The following AGAP3 variants were observed in gnomAD, a reference collection of about 807,000 sequenced individuals.
AGAP3 encodes the protein arf-GAP with GTPase, ANK repeat and PH domain-containing protein 3.
AGAP3 carries 24 observed loss-of-function variants against 96.9 expected under a neutral mutation model. The observed-to-expected ratio is 0.25, with a 90% CI of 0.18 to 0.35. The LOEUF is 0.35. Ranked by LOEUF, AGAP3 falls within the 10% of genes least tolerant of loss-of-function variation. The pLI, the probability that AGAP3 is intolerant of heterozygous loss-of-function variation, is 1.00. For missense variants in AGAP3, 876 were observed against 1,254.2 expected (o/e 0.70, Z 4.55); for synonymous variants, 563 against 536.1 (o/e 1.05, Z -0.69).
In AGAP3 at chr7:151,127,247, G is replaced by A. The variant is rs142060340; in HGVS notation, c.1222-1333G>A. On this transcript the variant is annotated intron_variant, in intron 9 of 17. Transcript: ENST00000397238. Reference sequence around the variant, plus strand: ...CACGAGCTGCAGACTAGGGACTGCCGTTTCCTTGTGCCTGCATCTCTTAGT... The same window carrying A: ...CACGAGCTGCAGACTAGGGACTGCCATTTCCTTGTGCCTGCATCTCTTAGT... Among the ~76,000 whole-genome samples the A allele has an allele frequency of 9.3e-4, 141 of 152,308 alleles. 2 individuals carry two copies. In the East Asian group the frequency reaches 0.019, roughly 20 times the overall value.
chr7:151,087,229 C>A, intron 1 of AGAP3, 157 bp downstream of exon 1: 1 of 764,882 alleles, frequency 1.3e-6, no homozygotes, highest in Non-Finnish European at 2.1e-6. Context: ...GTTGCAGAAC[C>A]GGCGGGCAGC....
At chr7:151,090,243 G>C (rs561359981) in intron 1 of AGAP3, 1 of 152,428 alleles carries the variant, frequency 6.6e-6, no homozygotes, top group South Asian at 2.1e-4. Flanking sequence ...AGATGGGGGG[G>C]GGGGGCTCCC....
In AGAP3 at chr7:151,123,786, T is replaced by C. The variant is rs1585088800; in HGVS notation, c.1129-8T>C. 6.2e-7 allele frequency: 1 copy of C among 1,613,130 alleles called. No homozygotes were observed. Among genetic ancestry groups the C allele is most frequent in the East Asian group, 2.2e-5 (1 of 44,872 alleles). ...CCTCTTTAACACGCCTCTTGTTTTC[T>C]CTTCCAGTCTCGGAAGGGTGCTGAC... On this transcript the variant is annotated splice_polypyrimidine_tract_variant and splice_region_variant and intron_variant, in intron 8 of 17. Coordinates refer to ENST00000397238, the MANE Select transcript of AGAP3 (RefSeq NM_031946.7).
In AGAP3 at chr7:151,117,688, T is replaced by C. The variant is rs1195942833; in HGVS notation, c.617T>C (p.Ile206Thr). ...VVFVFSLEDE[I>T]SFQTVYNYFL... ...TTTGTGTTCAGCCTGGAGGATGAAA[T>C]CAGTTTCCAGACGGTGTACAACTAC... The change falls in exon 5 of 18, where the codon ATC becomes ACC. Residue 206 changes from isoleucine (I) to threonine (T), a missense_variant. By Grantham distance (89) the Ile-to-Thr change is moderately conservative. This residue lies in a region of AGAP3 where 131 missense variants were observed against 304.5 expected (regional missense o/e 0.43). Coordinates refer to ENST00000397238, the MANE Select transcript of AGAP3 (RefSeq NM_031946.7). The C allele has an allele frequency of 6.2e-7, 1 of 1,614,176 alleles. No homozygotes were observed. Among genetic ancestry groups the C allele is most frequent in the Non-Finnish European group, 8.5e-7 (1 of 1,180,004 alleles).
chr7:151,120,609 C>G, intron 8 of AGAP3: 1 of 1,293,732 alleles, frequency 7.7e-7, no homozygotes, highest in Non-Finnish European at 1.0e-6. Context: ...GCCTCCCCGT[C>G]GCCTTCCGGC....
At chr7:151,112,396 CGTGTGTGTGTGTGTGTGTGTGTGT>C (rs71819427) in intron 1 of AGAP3, among the ~76,000 whole-genome samples, 16 of 139,846 alleles carry the variant, frequency 1.1e-4, no homozygotes, top group Non-Finnish European at 2.2e-4. Context: ...TTCCCCGAGA[CGTGTGTGTGTGTGTGTGTGTGTGT>C]GTGTGTGTGT....
chr7:151,115,019 C>A, intron 1 of AGAP3: 1 of 990,904 alleles, frequency 1.0e-6, no homozygotes, highest in African/African-American at 1.8e-5. Flanking sequence ...TGCGCCCGCG[C>A]CTCGGCCGCC....
chr7:151,134,590 G>C (rs750682142), intron 11 of AGAP3, 22 bp downstream of exon 11: 1 of 1,579,104 alleles, frequency 6.3e-7, no homozygotes. Context: ...GCTGAGGTGG[G>C]GGCCTGGGGG....
chr7:151,107,293 A>G (rs1037740817), intron 1 of AGAP3, among the ~76,000 whole-genome samples: 11 of 149,972 alleles, frequency 7.3e-5, no homozygotes, highest in African/African-American at 2.7e-4. Flanking sequence ...CTGGGCGACA[A>G]GAGCAAGACT....
chr7:151,133,642 T>G lies in AGAP3; in HGVS notation c.1327-758T>G, dbSNP rs1800482432. ...CTGCTACCATTTAATCGTGTGTTCCTGGGCAGATAAGCCTTTCTAAGCCTC... is the reference window on the plus strand; with the variant it reads ...CTGCTACCATTTAATCGTGTGTTCCGGGGCAGATAAGCCTTTCTAAGCCTC... On this transcript the variant is annotated intron_variant, in intron 10 of 17. Coordinates refer to ENST00000397238, the MANE Select transcript of AGAP3 (RefSeq NM_031946.7). This position sits in a 1 kb window ranked among gnomAD's most constrained non-coding sequence, Gnocchi z 5.4. 6.6e-6 allele frequency among the ~76,000 whole-genome samples: 1 copy of G among 152,224 alleles called. No homozygotes were observed.
Position 151,118,773 on chromosome 7 carries a change from A to T in AGAP3, c.969+141A>T, listed in dbSNP as rs1421403684. On this transcript the variant is annotated intron_variant, in intron 7 of 17. Transcript: ENST00000397238. The surrounding 1 kb of genome is among the most constrained non-coding windows in gnomAD (Gnocchi z 6.1). ...CCAGCCTTGCATGTTGCTTGGAAAC[A>T]TTGGTTGGAATTCCATTTAGCCGGC... 1 of 1,236,434 alleles carries T rather than the reference A, an allele frequency of 8.1e-7. No individual in the cohort carries two copies. The highest frequency in any genetic ancestry group is 1.1e-6 in the Non-Finnish European group (1 of 877,372). The allele number at this position is 1,236,434 out of a possible 1,614,324, so 76.6% of individuals were successfully genotyped here. A position where few individuals can be genotyped will look rare whatever the true frequency, so the allele number is the denominator to read the frequency against.
intron 1 of AGAP3, chr7:151,115,697 C>G (rs1244420861): frequency 9.3e-7 from 1 of 1,069,616 alleles, no homozygotes; most frequent in Non-Finnish European, 1.1e-6. Flanking sequence ...GGAGAAAAGC[C>G]GGACGCGCCC....
rs1798594892 is a variant in AGAP3 at position 151,096,114 on chromosome 7, T to C, written c.331+9042T>C. Among the ~76,000 whole-genome samples the C allele has an allele frequency of 6.6e-6, 1 of 152,184 alleles. No individual in the cohort carries two copies. The highest frequency in any genetic ancestry group is 1.5e-5 in the Non-Finnish European group (1 of 68,016). ...AAATCAGTTAACGTCTGCAGAGCTTTTAGAGCAGCAGCTGCCCTGAGGATG... is the reference window on the plus strand; with the variant it reads ...AAATCAGTTAACGTCTGCAGAGCTTCTAGAGCAGCAGCTGCCCTGAGGATG... On this transcript the variant is annotated intron_variant, in intron 1 of 17. Transcript: ENST00000397238. This position sits in a 1 kb window ranked among gnomAD's most constrained non-coding sequence, Gnocchi z 4.4.
intron 1 of AGAP3, among the ~76,000 whole-genome samples, chr7:151,113,940 A>G (rs1799413309): frequency 6.6e-6 from 1 of 152,182 alleles, no homozygotes; most frequent in African/African-American, 2.4e-5. Context: ...ATCTCAGCCC[A>G]TCATCCCGAC....
rs554063479 is a variant in AGAP3 at position 151,097,431 on chromosome 7, C to G, written c.331+10359C>G. Among the ~76,000 whole-genome samples, 5 of 148,492 alleles carry G rather than the reference C, an allele frequency of 3.4e-5. No individual in the cohort carries two copies. In the East Asian group the frequency reaches 1.0e-3, roughly 30 times the overall value. On this transcript the variant is annotated intron_variant, in intron 1 of 17. Coordinates refer to ENST00000397238, the MANE Select transcript of AGAP3 (RefSeq NM_031946.7). ...CCTGTAATTCCAGATACTCAGGAGG[C>G]TGGGGCAGGAGAATCACTTGAACCC... is the stretch of plus-strand genomic sequence containing the variant.
chr7:151,090,665 C>G, intron 1 of AGAP3: 1 of 152,378 alleles, frequency 6.6e-6, no homozygotes, highest in Non-Finnish European at 1.5e-5. Context: ...TGCATGTGGC[C>G]GGGTACAGTG....
intron 10 of AGAP3, among the ~76,000 whole-genome samples, chr7:151,130,249 G>A (rs150260257): frequency 1.4e-3 from 206 of 152,294 alleles, no homozygotes; most frequent in African/African-American, 4.6e-3. Flanking sequence ...AGGCAGCGAG[G>A]ATGAAGAGGA....
chr7:151,122,711 T>C, intron 8 of AGAP3: 1 of 1,613,714 alleles, frequency 6.2e-7, no homozygotes, highest in Non-Finnish European at 8.5e-7. Context: ...TCTTTATTCT[T>C]TCGATATTTG....
chr7:151,115,646 G>T (rs1347485842), intron 1 of AGAP3: 19 of 1,166,272 alleles, frequency 1.6e-5, no homozygotes, highest in Non-Finnish European at 2.0e-5. Context: ...CCAGCGGTAA[G>T]GGGGCGGGCC....
Sources: gnomAD v4.1 joint callset for allele counts (sites outside exome capture counted in the v4.1 genomes callset) on GRCh38, gnomAD v4.1.1 for gene constraint, gnomAD v4.1.1 regional missense constraint, Gnocchi (gnomAD v3.1) non-coding constraint, MANE v1.5 for transcripts, NCBI Gene and HGNC (gene_info 2026-07-23, HGNC 2026-07-21) for gene names.